Variants in GREB1 observed in about 807,000 individuals in gnomAD.
GREB1 encodes protein GREB1.
GREB1 carries 106 observed loss-of-function variants against 200.7 expected under a neutral mutation model. The observed-to-expected ratio is 0.53, with a 90% confidence interval of 0.45 to 0.62. GREB1 has a LOEUF of 0.62. GREB1 is among the 20% of genes least tolerant of loss of function. The probability of loss-of-function intolerance (pLI) is 0.00; values close to 1 mark genes in which losing one functional copy is unlikely to be tolerated. For missense variants in GREB1, 2,243 were observed against 2,556.8 expected, an observed-to-expected ratio of 0.88 and a Z score of 2.65; for synonymous variants, 1,132 against 1,092.4, an observed-to-expected ratio of 1.04 and a Z score of -0.72.
intron 1 of GREB1, among the ~76,000 whole-genome samples, chr2:11,511,619 C>T (rs761891301): frequency 4.3e-4 from 66 of 152,200 alleles, no homozygotes; most frequent in Non-Finnish European, 7.8e-4. Flanking sequence ...GAGAGGAGGG[C>T]GTCTGCGCAG....
chr2:11,632,791 C>A, intron 27 of GREB1, 98 bp from the exon 28 acceptor site: 1 of 1,015,702 alleles, frequency 9.8e-7, no homozygotes, highest in South Asian at 1.5e-5. Flanking sequence ...TCGGGGCTGG[C>A]TTGTCTGGGC....
At chr2:11,527,558 G>A (rs573235210) in intron 1 of GREB1, among the ~76,000 whole-genome samples, 2 of 152,308 alleles carry the variant, frequency 1.3e-5, no homozygotes, top group South Asian at 4.1e-4. Context: ...TGGGACCTGG[G>A]CATCTGGTGG....
At chr2:11,605,138 C>T (rs1171568580) in intron 17 of GREB1, among the ~76,000 whole-genome samples, 1 of 72,730 alleles carries the variant, frequency 1.4e-5, no homozygotes. Context: ...GCACCAGAGC[C>T]TGCTTCTTTT....
Position 11,616,612 on chromosome 2 carries a change from C to T in GREB1, c.3323-19C>T, listed in dbSNP as rs776872233. The T allele has an allele frequency of 3.0e-5, 45 of 1,486,218 alleles. No individual in the cohort carries two copies. Among genetic ancestry groups the T allele is most frequent in the African/African-American group, 8.3e-5 (6 of 72,426 alleles). The allele number at this position is 1,486,218 out of a possible 1,614,324, so 92.1% of individuals were successfully genotyped here. On this transcript the variant is annotated intron_variant, in intron 20 of 32. Coordinates refer to ENST00000381486, the MANE Select transcript of GREB1 (RefSeq NM_014668.4). ...AATGGTGATTTCGGTGCATTCTCAG[C>T]GTGTGTGTTTTGGAACAGGCTCTAC... is the stretch of plus-strand genomic sequence containing the variant.
intron 19 of GREB1, among the ~76,000 whole-genome samples, chr2:11,614,808 C>T (rs1050211456): frequency 6.6e-6 from 1 of 150,422 alleles, no homozygotes; most frequent in African/African-American, 2.4e-5. Flanking sequence ...TGTGATCCGC[C>T]CGCCTCGGCC....
intron 6 of GREB1, among the ~76,000 whole-genome samples, chr2:11,579,035 C>T (rs377124408): frequency 6.6e-6 from 1 of 152,184 alleles, no homozygotes; most frequent in South Asian, 2.1e-4. Context: ...CTAAGCATGG[C>T]GATTGTTATC....
chr2:11,588,539 G>A (rs923812344), intron 9 of GREB1: 9 of 636,950 alleles, frequency 1.4e-5, no homozygotes, highest in South Asian at 7.3e-5. Context: ...CAGCCCCATT[G>A]GTTAGAAAAG....
chr2:11,521,004 C>T (rs1673685402), intron 1 of GREB1, among the ~76,000 whole-genome samples: 1 of 152,182 alleles, frequency 6.6e-6, no homozygotes, highest in Admixed American at 6.5e-5. Flanking sequence ...AATTCTTATG[C>T]CCTCTGCCGT....
chr2:11,633,572 A>AG lies in GREB1; in HGVS notation c.4991+509_4991+510insG, dbSNP rs1258642875. Among the ~76,000 whole-genome samples, 2 of 152,060 alleles carry AG rather than the reference A, an allele frequency of 1.3e-5. No homozygotes were observed. The highest frequency in any genetic ancestry group is 1.3e-4 in the Admixed American group (2 of 15,272). ...GAGCGAGACTCCGTCTAAAAAAAAA[A>AG]AAAAGAAAGAAAAAAATTGTTATTG... On this transcript the variant is annotated intron_variant, in intron 28 of 32. Coordinates refer to ENST00000381486, the MANE Select transcript of GREB1 (RefSeq NM_014668.4). The surrounding 1 kb of genome is among the most constrained non-coding windows in gnomAD (Gnocchi z 4.1).
At position 11,566,541 on chromosome 2, in the gene GREB1, C is replaced by T; in HGVS notation, c.339C>T (p.Val113=). Residue 113 remains valine, a synonymous_variant, in exon 4 of 33, where the codon GTC becomes GTT. Transcript: ENST00000381486. ...LVSISNEPMD[V]PAGFLLVGVK... is the part of the protein sequence containing the mutation. ...CCATTTCCAACGAGCCCATGGATGTCCCTGCGGGCTTTCTCCTCGTGGGGG... is the reference window on the plus strand; with the variant it reads ...CCATTTCCAACGAGCCCATGGATGTTCCTGCGGGCTTTCTCCTCGTGGGGG... 1 of 1,614,120 alleles carries T rather than the reference C, an allele frequency of 6.2e-7. No homozygotes were observed. Among genetic ancestry groups the T allele is most frequent in the Non-Finnish European group, 8.5e-7 (1 of 1,180,012 alleles).
At chr2:11,577,971 C>A (rs570831753) in intron 5 of GREB1, among the ~76,000 whole-genome samples, 1 of 152,188 alleles carries the variant, frequency 6.6e-6, no homozygotes, top group African/African-American at 2.4e-5. Flanking sequence ...AAGATGGTAT[C>A]ATTTCTTTAT....
At chr2:11,558,616 G>GAAC (rs1221305882) in intron 2 of GREB1, among the ~76,000 whole-genome samples, 11 of 152,318 alleles carry the variant, frequency 7.2e-5, no homozygotes, top group Non-Finnish European at 1.3e-4. Context: ...GGCTGATGGG[G>GAAC]CTGGTGGGAA....
intron 1 of GREB1, among the ~76,000 whole-genome samples, chr2:11,495,433 T>C (rs1316105951): frequency 1.3e-5 from 2 of 152,168 alleles, no homozygotes; most frequent in Admixed American, 6.5e-5. Flanking sequence ...TACAACATAA[T>C]TGTTTTTCCA....
chr2:11,612,269 A>T, intron 18 of GREB1: 1 of 1,220,266 alleles, frequency 8.2e-7, no homozygotes, highest in Non-Finnish European at 1.0e-6. Context: ...GCTGATAGAG[A>T]TGTCTTGGAC....
In GREB1 at chr2:11,634,179, G is replaced by A. The variant is rs776134298; in HGVS notation, c.5040G>A (p.Gln1680=). The change falls in exon 29 of 33, where the codon CAG becomes CAA. Residue 1680 remains glutamine (Q), a synonymous_variant. Coordinates refer to ENST00000381486, the MANE Select transcript of GREB1 (RefSeq NM_014668.4). ...ACGTGTCTTTGAAGCACATCATGCA[G>A]CACATCGAGGCGGCCCCCGACATCA... ...ERNVSLKHIM[Q]HIEAAPDIMH... is the part of the protein sequence containing the mutation. The A allele has an allele frequency of 6.2e-7, 1 of 1,614,220 alleles. No individual in the cohort carries two copies. The highest frequency in any genetic ancestry group is 1.7e-5 in the Admixed American group (1 of 60,034).
In GREB1 at chr2:11,629,757, C is replaced by T. The variant is rs1246372858; in HGVS notation, c.4450-191C>T. On this transcript the variant is annotated intron_variant, in intron 25 of 32. Coordinates refer to ENST00000381486, the MANE Select transcript of GREB1 (RefSeq NM_014668.4). This position sits in a 1 kb window ranked among gnomAD's most constrained non-coding sequence, Gnocchi z 5.2. ...GCAGGCTCTCGTCGTGGGTGTGTGG[C>T]CTCGGGCGTGCTTGCCCTGTCAACA... 1.3e-5 allele frequency among the ~76,000 whole-genome samples: 2 copies of T among 152,108 alleles called. No individual in the cohort carries two copies. The highest frequency in any genetic ancestry group is 4.8e-5 in the African/African-American group (2 of 41,408).
At chr2:11,589,546 G>C (rs1469280080) in intron 10 of GREB1, among the ~76,000 whole-genome samples, 2 of 152,206 alleles carry the variant, frequency 1.3e-5, no homozygotes, top group Admixed American at 6.5e-5. Flanking sequence ...CTCCGGTCAA[G>C]GGTGTGATTC....
intron 4 of GREB1, among the ~76,000 whole-genome samples, chr2:11,570,695 T>G (rs1187699539): frequency 6.6e-6 from 1 of 152,106 alleles, no homozygotes; most frequent in East Asian, 1.9e-4. Flanking sequence ...GATGTTAAAT[T>G]TAGATGACTG....
At chr2:11,501,513 C>T (rs1558485844) in intron 1 of GREB1, among the ~76,000 whole-genome samples, 1 of 152,108 alleles carries the variant, frequency 6.6e-6, no homozygotes, top group Admixed American at 6.5e-5. Context: ...CCTGCCTCAG[C>T]CTCCCAAATA....
Sources: gnomAD v4.1 joint callset for allele counts (sites outside exome capture counted in the v4.1 genomes callset) on GRCh38, gnomAD v4.1.1 for gene constraint, Gnocchi (gnomAD v3.1) non-coding constraint, MANE v1.5 for transcripts, NCBI Gene and HGNC (gene_info 2026-07-23, HGNC 2026-07-21) for gene names.